Variants in RARB observed in about 807,000 individuals in gnomAD.
RARB encodes the protein HBV-activated protein.
In RARB, 17 loss-of-function variants were observed where a neutral mutation model predicts 51.9. That is an observed-to-expected ratio of 0.33 (90% CI 0.22 to 0.49). RARB has a LOEUF of 0.49. Among genes scored for constraint, RARB ranks in the 20% least tolerant of loss-of-function variants. The probability of loss-of-function intolerance (pLI) is 0.99; values close to 1 mark genes in which losing one functional copy is unlikely to be tolerated. For synonymous variants in RARB, 215 were observed against 195.4 expected, an observed-to-expected ratio of 1.10 and a Z score of -0.84; for missense variants, 369 against 550.8, an observed-to-expected ratio of 0.67 and a Z score of 3.30.
rs13070860 is a variant in RARB, at chr3:24,989,510, G to T, written c.-379-70615G>T. Among the ~76,000 whole-genome samples, 26 of 91,398 alleles carry T rather than the reference G, an allele frequency of 2.8e-4. 8 individuals carry two copies. The highest frequency in any genetic ancestry group is 4.3e-4 in the South Asian group (1 of 2,344). The allele number at this position is 91,398 out of a possible 152,430, so 60.0% of individuals were successfully genotyped here. ...CCTCACAAATGCTTGATATTGCAAG[G>T]TATTTTAATGTTTGCCTGGCTGCTA... On this transcript the variant is annotated intron_variant, in intron 2 of 11. Transcript: ENST00000383772.
intron 5 of RARB, among the ~76,000 whole-genome samples, chr3:25,258,453 T>A (rs1013204504): frequency 1.3e-5 from 2 of 152,106 alleles, no homozygotes; most frequent in African/African-American, 4.8e-5. Context: ...GTTTGCTTGA[T>A]GAAATGATTC....
intron 1 of RARB, among the ~76,000 whole-genome samples, chr3:24,844,107 A>C (rs1702455693): frequency 6.6e-6 from 1 of 152,142 alleles, no homozygotes; most frequent in African/African-American, 2.4e-5. Context: ...CTGCAGATGC[A>C]CGGCAGCCCT....
At position 25,083,063 on chromosome 3, in the gene RARB, G is replaced by GT. The variant is rs773787707; in HGVS notation, c.-328+22894dup. Among the ~76,000 whole-genome samples, 12 of 151,760 alleles carry GT rather than the reference G, an allele frequency of 7.9e-5. No homozygotes were observed. In the East Asian group the frequency reaches 1.2e-3, roughly 15 times the overall value. On this transcript the variant is annotated intron_variant, in intron 3 of 11. Coordinates refer to the RARB transcript ENST00000383772. ...CTTACTGTTCCTCTGTATGTAATGTGTTTTTTTCCTTCTGGCTGCTTTTAG... is the reference window on the plus strand; with the variant it reads ...CTTACTGTTCCTCTGTATGTAATGTGTTTTTTTTCCTTCTGGCTGCTTTTAG...
intron 2 of RARB, among the ~76,000 whole-genome samples, chr3:24,956,357 A>G (rs552999691): frequency 6.6e-6 from 1 of 152,320 alleles, no homozygotes; most frequent in Admixed American, 6.5e-5. Context: ...AGCTTAATAT[A>G]TACCATGTAC....
chr3:25,374,371 G>T (rs1447472461), intron 5 of RARB, among the ~76,000 whole-genome samples: 1 of 152,124 alleles, frequency 6.6e-6, no homozygotes, highest in African/African-American at 2.4e-5. Flanking sequence ...TCGAATTGAG[G>T]AAAATCTAAA....
intron 5 of RARB, among the ~76,000 whole-genome samples, chr3:25,191,874 A>G (rs1459509214): frequency 3.3e-5 from 5 of 152,130 alleles, no homozygotes; most frequent in African/African-American, 4.8e-5. Context: ...TAGTCAAGGA[A>G]TCTTGTGAAT....
chr3:24,931,188 G>T (rs571944350), intron 2 of RARB, among the ~76,000 whole-genome samples: 1 of 151,860 alleles, frequency 6.6e-6, no homozygotes, highest in Non-Finnish European at 1.5e-5. Flanking sequence ...GAGAGCCATT[G>T]GTTCATATTA....
At chr3:25,194,119 C>A (rs1267238013) in intron 5 of RARB, among the ~76,000 whole-genome samples, 1 of 151,690 alleles carries the variant, frequency 6.6e-6, no homozygotes, top group Non-Finnish European at 1.5e-5. Context: ...ACAGATAAAT[C>A]TGGAGAACAT....
chr3:24,958,273 T>TTTTTTTTG (rs1696065656), intron 2 of RARB, among the ~76,000 whole-genome samples: 1 of 137,810 alleles, frequency 7.3e-6, no homozygotes, highest in South Asian at 2.5e-4. Flanking sequence ...TTTTTTTTTT[T>TTTTTTTTG]TTTTTTTTTT....
At chr3:25,049,474 T>C (rs964068252) in intron 2 of RARB, among the ~76,000 whole-genome samples, 4 of 152,234 alleles carry the variant, frequency 2.6e-5, no homozygotes, top group Non-Finnish European at 4.4e-5. Flanking sequence ...ACTATTCTTT[T>C]TCCAGTTGAG....
At chr3:25,478,649 C>T (rs1430746518) in intron 2 of RARB, among the ~76,000 whole-genome samples, 1 of 152,122 alleles carries the variant, frequency 6.6e-6, no homozygotes, top group East Asian at 1.9e-4. Context: ...AATGCAGTAC[C>T]CTTAGTATCG....
intron 1 of RARB, among the ~76,000 whole-genome samples, chr3:24,834,058 T>C (rs1360708333): frequency 6.6e-6 from 1 of 152,218 alleles, no homozygotes; most frequent in Non-Finnish European, 1.5e-5. Context: ...CAATCTAATG[T>C]TAGGAGGTTG....
intron 5 of RARB, among the ~76,000 whole-genome samples, chr3:25,308,603 C>T (rs1704209966): frequency 6.6e-6 from 1 of 151,988 alleles, no homozygotes; most frequent in South Asian, 2.1e-4. Context: ...CATGCATTGC[C>T]ATGCCTGGCT....
At chr3:25,389,833 G>C (rs892774518) in intron 5 of RARB, among the ~76,000 whole-genome samples, 5 of 152,160 alleles carry the variant, frequency 3.3e-5, no homozygotes, top group Admixed American at 3.3e-4. Context: ...TGGGGCACAA[G>C]GGAAAAGAGC....
chr3:25,087,631 T>C (rs1345950777), intron 3 of RARB, among the ~76,000 whole-genome samples: 4 of 152,134 alleles, frequency 2.6e-5, no homozygotes, highest in Non-Finnish European at 5.9e-5. Flanking sequence ...ACCTGGCACA[T>C]AGTAAAAGCT....
intron 5 of RARB, among the ~76,000 whole-genome samples, chr3:25,203,766 C>G (rs1197300869): frequency 2.0e-5 from 3 of 152,244 alleles, no homozygotes; most frequent in East Asian, 1.9e-4. Flanking sequence ...GGCCCCCACT[C>G]TCTTCTGGCT....
chr3:24,891,082 T>G (rs1703368752), intron 2 of RARB, among the ~76,000 whole-genome samples: 1 of 152,190 alleles, frequency 6.6e-6, no homozygotes, highest in Non-Finnish European at 1.5e-5. Context: ...TGGAAAGTTG[T>G]GAACAACGCA....
In RARB at chr3:24,970,817, CCTACT is replaced by C. The variant is rs576417954; in HGVS notation, c.-379-89304_-379-89300del. Among the ~76,000 whole-genome samples, 718 of 152,058 alleles carry C rather than the reference CCTACT, an allele frequency of 4.7e-3. 3 individuals are homozygous for C. The highest frequency in any genetic ancestry group is 6.8e-3 in the Middle Eastern group (2 of 294). On this transcript the variant is annotated intron_variant, in intron 2 of 11. Transcript: ENST00000383772. ...GCTTGATTTAAAGACTGCTGTCTTA[CCTACT>C]CTAAATTCCAAGTCATGAGAATAGA...
intron 2 of RARB, among the ~76,000 whole-genome samples, chr3:25,000,279 T>C (rs1160746970): frequency 1.3e-5 from 2 of 152,116 alleles, no homozygotes; most frequent in African/African-American, 4.8e-5. Flanking sequence ...CTATCTTAAT[T>C]CAAAGTAATA....
Sources: gnomAD v4.1 joint callset for allele counts (sites outside exome capture counted in the v4.1 genomes callset) on GRCh38, gnomAD v4.1.1 for gene constraint, MANE v1.5 for transcripts, NCBI Gene and HGNC (gene_info 2026-07-23, HGNC 2026-07-21) for gene names.